The following KCMF1 variants were observed in gnomAD, a reference collection of about 807,000 sequenced individuals.
KCMF1 encodes the protein potassium channel modulatory factor 1.
A neutral mutation model predicts 41.1 loss-of-function variants in KCMF1; 3 were observed. That is an observed-to-expected ratio of 0.07 (90% CI 0.03 to 0.19). KCMF1 has a LOEUF of 0.19. Ranked by LOEUF, KCMF1 falls within the 10% of genes least tolerant of loss-of-function variation. The probability of loss-of-function intolerance (pLI) is 1.00; values close to 1 mark genes in which losing one functional copy is unlikely to be tolerated. For synonymous variants in KCMF1, 142 were observed against 164.5 expected, an observed-to-expected ratio of 0.86 and a Z score of 1.04; for missense variants, 286 against 488.9, an observed-to-expected ratio of 0.58 and a Z score of 3.91.
intron 1 of KCMF1, among the ~76,000 whole-genome samples, chr2:84,976,957 C>A (rs1347264145): frequency 1.3e-5 from 2 of 152,036 alleles, no homozygotes; most frequent in Non-Finnish European, 2.9e-5. Context: ...GCAGCTCCAA[C>A]TTTTTGAAAG....
chr2:85,013,808 AAG>A (rs1159693057), intron 1 of KCMF1: 1 of 152,154 alleles, frequency 6.6e-6, no homozygotes, highest in Admixed American at 6.6e-5. Context: ...AAAAAAAAAA[AAG>A]AATGTTTAAA....
At chr2:85,008,473 T>A (rs1416491658) in intron 1 of KCMF1, among the ~76,000 whole-genome samples, 1 of 133,326 alleles carries the variant, frequency 7.5e-6, no homozygotes, top group Non-Finnish European at 1.6e-5. Flanking sequence ...ACATGATATA[T>A]ATCTCATATA....
intron 1 of KCMF1, among the ~76,000 whole-genome samples, chr2:85,023,395 T>G (rs1012967341): frequency 1.5e-4 from 22 of 143,882 alleles, no homozygotes; most frequent in Non-Finnish European, 7.5e-5. Context: ...CTCAGCTCAC[T>G]GCAAGCTCCG....
At chr2:84,992,821 C>T (rs973641047) in intron 1 of KCMF1, among the ~76,000 whole-genome samples, 7 of 152,004 alleles carry the variant, frequency 4.6e-5, no homozygotes, top group South Asian at 2.1e-4. Context: ...GGGGTTTCAC[C>T]GTGTTAGCCA....
At chr2:85,028,731 C>G (rs1675181179) in intron 2 of KCMF1, among the ~76,000 whole-genome samples, 1 of 150,880 alleles carries the variant, frequency 6.6e-6, no homozygotes, top group Non-Finnish European at 1.5e-5. Flanking sequence ...CCTAATGATA[C>G]ACCTGCCTCG....
intron 1 of KCMF1, among the ~76,000 whole-genome samples, chr2:85,005,243 C>T (rs1404157985): frequency 6.6e-6 from 1 of 150,676 alleles, no homozygotes; most frequent in Non-Finnish European, 1.5e-5. Flanking sequence ...CATAATTATA[C>T]GTATTTCTAG....
Position 85,027,893 on chromosome 2 carries a change from C to T in KCMF1, c.21C>T (p.Val7=). The T allele has an allele frequency of 6.3e-7, 1 of 1,598,202 alleles. No individual in the cohort carries two copies. The highest frequency in any genetic ancestry group is 8.5e-7 in the Non-Finnish European group (1 of 1,172,488). MSRHEG[V]SCDACLKGNF... ...AGATATTTCTTTTTTTTATAGGTGT[C>T]AGCTGTGATGCATGTTTAAAAGGAA... is the stretch of plus-strand genomic sequence containing the variant. Residue 7 remains valine (V), a synonymous_variant, in exon 2 of 7, where the codon GTC becomes GTT. Transcript: ENST00000409785.
At chr2:85,045,321 C>G (rs1037059689) in intron 4 of KCMF1, among the ~76,000 whole-genome samples, 5 of 151,816 alleles carry the variant, frequency 3.3e-5, no homozygotes, top group African/African-American at 1.2e-4. Flanking sequence ...TCTCTAGAAC[C>G]CAAACCATCC....
intron 1 of KCMF1, among the ~76,000 whole-genome samples, chr2:85,000,142 T>C (rs968840372): frequency 4.6e-5 from 7 of 152,190 alleles, no homozygotes; most frequent in Non-Finnish European, 1.5e-5. Flanking sequence ...TAAGACGATA[T>C]TGATTTTTTT....
chr2:84,991,404 A>G (rs1427512900), intron 1 of KCMF1, among the ~76,000 whole-genome samples: 1 of 152,260 alleles, frequency 6.6e-6, no homozygotes, highest in Non-Finnish European at 1.5e-5. Context: ...AATGAATATG[A>G]ATAAATACAT....
chr2:84,988,346 A>G (rs1023591625), intron 1 of KCMF1, among the ~76,000 whole-genome samples: 1 of 152,222 alleles, frequency 6.6e-6, no homozygotes, highest in Non-Finnish European at 1.5e-5. Context: ...ATATTTATTG[A>G]ATACTTACTA....
At chr2:85,031,574 C>G (rs1322827437) in intron 2 of KCMF1, among the ~76,000 whole-genome samples, 3 of 152,142 alleles carry the variant, frequency 2.0e-5, no homozygotes, top group Admixed American at 1.3e-4. Flanking sequence ...CATAAGTGTT[C>G]TGAGCACGTT....
chr2:84,992,730 T>G (rs1674073229), intron 1 of KCMF1, among the ~76,000 whole-genome samples: 5 of 151,902 alleles, frequency 3.3e-5, no homozygotes, highest in Admixed American at 3.3e-4. Flanking sequence ...CCTCCTGGGT[T>G]CATGCCATTC....
At chr2:85,018,516 C>T (rs186956007) in intron 1 of KCMF1, among the ~76,000 whole-genome samples, 3 of 152,002 alleles carry the variant, frequency 2.0e-5, no homozygotes, top group African/African-American at 4.8e-5. Context: ...GTGATCTGCC[C>T]GCTTCGGCCT....
chr2:84,995,522 G>C (rs1674157484), intron 1 of KCMF1, among the ~76,000 whole-genome samples: 1 of 152,194 alleles, frequency 6.6e-6, no homozygotes, highest in Non-Finnish European at 1.5e-5. Flanking sequence ...AGTGGGTTCA[G>C]ATGTCAGGCT....
intron 1 of KCMF1, among the ~76,000 whole-genome samples, chr2:85,023,473 C>T (rs1675004828): frequency 6.6e-6 from 1 of 151,886 alleles, no homozygotes; most frequent in South Asian, 2.1e-4. Context: ...CGCCCGCCAC[C>T]ACGCCTGGCT....
intron 1 of KCMF1, among the ~76,000 whole-genome samples, chr2:85,013,355 A>G (rs892981794): frequency 6.6e-6 from 1 of 152,180 alleles, no homozygotes; most frequent in Non-Finnish European, 1.5e-5. Context: ...CTGGGAATCT[A>G]TCACAAATAC....
intron 2 of KCMF1, among the ~76,000 whole-genome samples, chr2:85,030,403 C>T (rs1675238729): frequency 6.6e-6 from 1 of 152,036 alleles, no homozygotes; most frequent in Non-Finnish European, 1.5e-5. Flanking sequence ...TAGAAAATCA[C>T]TGCCTAATTC....
rs531502850 is a variant in KCMF1, at chr2:84,985,828, C to CA, written c.16+14373dup. Among the ~76,000 whole-genome samples, 401 of 119,392 alleles carry CA rather than the reference C, an allele frequency of 3.4e-3. 1 individual carries two copies. The highest frequency in any genetic ancestry group is 5.0e-3 in the African/African-American group (161 of 31,908). The allele number at this position is 119,392 out of a possible 152,430, so 78.3% of individuals were successfully genotyped here. On this transcript the variant is annotated intron_variant, in intron 1 of 6. Transcript: ENST00000409785. ...TGGGTGACAGAGCCAGACTCCATCT[C>CA]AAAAAAAAAAAACCCTTGGGCCTAG...
Sources: gnomAD v4.1 joint callset for allele counts (sites outside exome capture counted in the v4.1 genomes callset) on GRCh38, gnomAD v4.1.1 for gene constraint, MANE v1.5 for transcripts, NCBI Gene and HGNC (gene_info 2026-07-23, HGNC 2026-07-21) for gene names.